The following SPACA7 variants were observed in gnomAD, a reference collection of about 807,000 sequenced individuals.
The protein encoded by SPACA7 is sperm acrosome-associated protein 7.
SPACA7 carries 19 observed loss-of-function variants against 26.3 expected under a neutral mutation model. The ratio of observed to expected loss-of-function variants is 0.72; its 90% CI spans 0.50 to 1.06. The LOEUF (loss-of-function observed/expected upper bound fraction) is 1.06. Ranked by LOEUF, SPACA7 falls within the 50% of genes least tolerant of loss-of-function variation. The pLI is 0.00. For synonymous variants in SPACA7, 84 were observed against 84.5 expected (o/e 0.99, Z 0.04); for missense variants, 211 against 229.9 (o/e 0.92, Z 0.53).
intron 5 of SPACA7, among the ~76,000 whole-genome samples, chr13:112,422,540 A>G (rs896513572): frequency 1.3e-5 from 2 of 152,180 alleles, no homozygotes; most frequent in East Asian, 3.8e-4. Flanking sequence ...CATCTTTTTG[A>G]CCACAAAACA....
At chr13:112,400,714 A>G (rs1885586138) in intron 4 of SPACA7, among the ~76,000 whole-genome samples, 2 of 152,066 alleles carry the variant, frequency 1.3e-5, no homozygotes. Context: ...TGCAGTCATT[A>G]TTTTTTGTAT....
chr13:112,404,631 T>C (rs1178329357), intron 5 of SPACA7, among the ~76,000 whole-genome samples: 1 of 152,226 alleles, frequency 6.6e-6, no homozygotes, highest in East Asian at 1.9e-4. Context: ...TTCTTCTACA[T>C]GTGGCTTGTC....
chr13:112,417,991 C>CTG (rs1229844451), intron 5 of SPACA7, among the ~76,000 whole-genome samples: 1 of 151,794 alleles, frequency 6.6e-6, no homozygotes, highest in African/African-American at 2.4e-5. Context: ...TCCTGTTTTT[C>CTG]TGTGTCATTT....
At chr13:112,383,127 AAG>A (rs1284860807) in intron 1 of SPACA7, among the ~76,000 whole-genome samples, 8 of 4,206 alleles carry the variant, frequency 1.9e-3, no homozygotes, top group Non-Finnish European at 4.3e-3. Flanking sequence ...AAAGAAAAGA[AAG>A]AAAGAAAGAA....
chr13:112,394,016 A>C (rs1472001979), intron 2 of SPACA7, among the ~76,000 whole-genome samples: 2 of 151,234 alleles, frequency 1.3e-5, no homozygotes, highest in Non-Finnish European at 2.9e-5. Context: ...GATGAAACTC[A>C]TTGTAATAAT....
intron 1 of SPACA7, among the ~76,000 whole-genome samples, chr13:112,379,914 G>T (rs1008975127): frequency 2.6e-5 from 4 of 152,130 alleles, no homozygotes; most frequent in Non-Finnish European, 4.4e-5. Flanking sequence ...TGACAGTAAA[G>T]AATTTTTAAA....
intron 6 of SPACA7, among the ~76,000 whole-genome samples, chr13:112,434,034 C>A (rs1877479131): frequency 6.6e-6 from 1 of 152,182 alleles, no homozygotes; most frequent in African/African-American, 2.4e-5. Flanking sequence ...GTCACCAGCA[C>A]CTCTAGGTGT....
chr13:112,401,604 T>G (rs964936862), intron 5 of SPACA7, among the ~76,000 whole-genome samples: 11 of 152,216 alleles, frequency 7.2e-5, no homozygotes, highest in Admixed American at 3.9e-4. Flanking sequence ...TCAATTTTTG[T>G]GTAGCCAAAA....
At chr13:112,387,280 A>T (rs1409286997) in intron 1 of SPACA7, among the ~76,000 whole-genome samples, 1 of 152,208 alleles carries the variant, frequency 6.6e-6, no homozygotes, top group Non-Finnish European at 1.5e-5. Context: ...CACAAGGTTA[A>T]GCTCTTAAGG....
At chr13:112,400,280 G>T (rs756277097) in intron 4 of SPACA7, among the ~76,000 whole-genome samples, 1 of 152,160 alleles carries the variant, frequency 6.6e-6, no homozygotes, top group African/African-American at 2.4e-5. Context: ...GATTGAACTC[G>T]ATTTTTTCAG....
rs540572367 is a variant in SPACA7, at chr13:112,404,950, A to G, written c.445+3786A>G. ...TTAAGACAAAATCCAGTGTTTTGATATACTAATTAGCTCCATTGTATTCTC... is the reference window on the plus strand; with the variant it reads ...TTAAGACAAAATCCAGTGTTTTGATGTACTAATTAGCTCCATTGTATTCTC... On this transcript the variant is annotated intron_variant, in intron 5 of 6. Transcript: ENST00000283550. 2.8e-5 allele frequency among the ~76,000 whole-genome samples: 4 copies of G among 141,300 alleles called. No individual in the cohort carries two copies. In the South Asian group the frequency reaches 6.9e-4, roughly 24 times the overall value. 92.7% of individuals were successfully genotyped at this position (141,300 alleles called of 152,430 possible).
chr13:112,422,797 A>G (rs1369069795), intron 5 of SPACA7, among the ~76,000 whole-genome samples: 1 of 152,252 alleles, frequency 6.6e-6, no homozygotes. Context: ...TGCTTTTTAC[A>G]TAAACATGCT....
chr13:112,401,064 T>A lies in SPACA7; in HGVS notation c.350-5T>A, dbSNP rs1285674766. On this transcript the variant is annotated splice_polypyrimidine_tract_variant and splice_region_variant and intron_variant, in intron 4 of 6. Coordinates refer to ENST00000283550, the MANE Select transcript of SPACA7 (RefSeq NM_145248.5). ...TCCCCATTTTTTCCATATTTGTCAT[T>A]AAAGAAGCCAATGCTAATGCAAATC... 1 of 1,612,464 alleles carries A rather than the reference T, an allele frequency of 6.2e-7. No homozygotes were observed. The highest frequency in any genetic ancestry group is 8.5e-7 in the Non-Finnish European group (1 of 1,178,536).
intron 5 of SPACA7, among the ~76,000 whole-genome samples, chr13:112,427,388 G>A (rs753741830): frequency 6.6e-6 from 1 of 152,178 alleles, no homozygotes; most frequent in Non-Finnish European, 1.5e-5. Context: ...TTGATGAGGA[G>A]AATCACATGT....
intron 5 of SPACA7, 124 bp from the exon 6 acceptor site, chr13:112,432,320 G>A (rs372218691): frequency 7.1e-5 from 49 of 687,352 alleles, no homozygotes; most frequent in Non-Finnish European, 8.4e-5. Context: ...ACCTCACCCC[G>A]CTTGCTCTGT....
chr13:112,388,029 C>T (rs1370073712), intron 1 of SPACA7, among the ~76,000 whole-genome samples: 3 of 152,116 alleles, frequency 2.0e-5, no homozygotes, highest in East Asian at 1.9e-4. Flanking sequence ...CCTATTGAGC[C>T]TTCTCTAGGG....
intron 5 of SPACA7, among the ~76,000 whole-genome samples, chr13:112,425,230 G>T (rs779937604): frequency 6.6e-6 from 1 of 152,196 alleles, no homozygotes; most frequent in East Asian, 1.9e-4. Context: ...CATTGCAATA[G>T]AAACAGATGT....
Position 112,396,104 on chromosome 13 carries a change from C to T in SPACA7, c.152-1945C>T, listed in dbSNP as rs1885235389. On this transcript the variant is annotated intron_variant, in intron 2 of 6. Coordinates refer to ENST00000283550, the MANE Select transcript of SPACA7 (RefSeq NM_145248.5). ...CAGCTGGGCCACCATCCACCCGCCT[C>T]AGGGAATCCCAGGGTGTCTGCAACT... Among the ~76,000 whole-genome samples, 2 of 137,044 alleles carry T rather than the reference C, an allele frequency of 1.5e-5. 1 individual carries two copies. Among genetic ancestry groups the T allele is most frequent in the African/African-American group, 5.0e-5 (2 of 39,872 alleles). 89.9% of individuals were successfully genotyped at this position (137,044 alleles called of 152,430 possible). A position where few individuals can be genotyped will look rare whatever the true frequency, so the allele number is the denominator to read the frequency against.
intron 1 of SPACA7, among the ~76,000 whole-genome samples, chr13:112,390,935 G>A (rs1027735924): frequency 5.3e-5 from 8 of 152,324 alleles, no homozygotes; most frequent in East Asian, 3.9e-4. Flanking sequence ...GGACTGGCCA[G>A]AGCCTCCATG....
Sources: allele counts gnomAD v4.1 joint callset (sites outside exome capture counted in the v4.1 genomes callset), GRCh38; gene constraint gnomAD v4.1.1; transcripts MANE v1.5; gene names NCBI Gene and HGNC (gene_info 2026-07-23, HGNC 2026-07-21).